Variants in CPED1 observed in about 807,000 individuals in gnomAD.
CPED1 encodes cadherin-like and PC-esterase domain-containing protein 1.
Under a neutral mutation model 128.2 loss-of-function variants are expected in CPED1, and 114 were observed. The ratio of observed to expected loss-of-function variants is 0.89; its 90% CI spans 0.76 to 1.04. The LOEUF is 1.04. CPED1 is among the 50% of genes least tolerant of loss of function. The probability of loss-of-function intolerance (pLI) is 0.00; values close to 1 mark genes in which losing one functional copy is unlikely to be tolerated. For missense variants in CPED1, 1,211 were observed against 1,207.1 expected, an observed-to-expected ratio of 1.00 and a Z score of -0.05; for synonymous variants, 462 against 426.7, an observed-to-expected ratio of 1.08 and a Z score of -1.02.
At chr7:121,262,013 T>C (rs2116736903) in intron 18 of CPED1, 1 of 348,826 alleles carries the variant, frequency 2.9e-6, no homozygotes, top group Non-Finnish European at 5.3e-6. Context: ...GTTTGGGTCA[T>C]GGGGATGGAT....
At chr7:121,030,575 A>T (rs1457254736) in intron 3 of CPED1, among the ~76,000 whole-genome samples, 1 of 152,140 alleles carries the variant, frequency 6.6e-6, no homozygotes, top group Non-Finnish European at 1.5e-5. Context: ...TATCAGATCG[A>T]CTTTCGTCTC....
chr7:121,069,264 A>T (rs548380286), intron 5 of CPED1, among the ~76,000 whole-genome samples: 6 of 152,166 alleles, frequency 3.9e-5, no homozygotes, highest in Non-Finnish European at 7.4e-5. Flanking sequence ...TTATCGTATA[A>T]TTCTGAGCAA....
chr7:121,060,063 G>GAGC (rs578182574), intron 4 of CPED1, among the ~76,000 whole-genome samples: 3,155 of 152,298 alleles, frequency 0.021, 107 homozygotes, highest in African/African-American at 0.069. Context: ...CCTGCACTCG[G>GAGC]AGCAGCCGGC....
chr7:121,085,797 GAAC>G (rs1039051591), intron 5 of CPED1, among the ~76,000 whole-genome samples: 7 of 152,078 alleles, frequency 4.6e-5, no homozygotes, highest in African/African-American at 9.7e-5. Context: ...GGGTTTAAAA[GAAC>G]AACAACAAAA....
At position 121,027,080 on chromosome 7, in the gene CPED1, A is replaced by G. The variant is rs545222102; in HGVS notation, c.433+11232A>G. Among the ~76,000 whole-genome samples, 20 of 151,330 alleles carry G rather than the reference A, an allele frequency of 1.3e-4. No homozygotes were observed. In the South Asian group the frequency reaches 4.0e-3, roughly 30 times the overall value. ...GGTGTCGAACTACTGGGCTCAAGCA[A>G]TTGTCCCGCCTCAGCATCTCAAAGT... On this transcript the variant is annotated intron_variant, in intron 3 of 22. Transcript: ENST00000310396.
chr7:121,089,360 C>T (rs1301441011), intron 5 of CPED1, among the ~76,000 whole-genome samples: 1 of 151,992 alleles, frequency 6.6e-6, no homozygotes, highest in Non-Finnish European at 1.5e-5. Flanking sequence ...TTTTAAATAA[C>T]ATAGAAATAG....
chr7:121,201,226 T>C (rs1490751519), intron 16 of CPED1, among the ~76,000 whole-genome samples: 1 of 151,896 alleles, frequency 6.6e-6, no homozygotes, highest in Non-Finnish European at 1.5e-5. Context: ...AAATAAATTA[T>C]TATCAAGACC....
chr7:121,034,504 C>T (rs575856564), intron 3 of CPED1, among the ~76,000 whole-genome samples: 66 of 152,148 alleles, frequency 4.3e-4, no homozygotes, highest in Non-Finnish European at 7.6e-4. Flanking sequence ...CCTCTGCCTT[C>T]CAAAGTGCTG....
At chr7:121,293,594 T>A (rs986661912) in intron 22 of CPED1, among the ~76,000 whole-genome samples, 2 of 152,106 alleles carry the variant, frequency 1.3e-5, no homozygotes, top group African/African-American at 4.8e-5. Flanking sequence ...TGTGCCCAAA[T>A]GGCTGCCCCA....
chr7:121,129,390 A>G (rs981557973), intron 11 of CPED1, among the ~76,000 whole-genome samples: 2 of 147,770 alleles, frequency 1.4e-5, no homozygotes, highest in African/African-American at 4.9e-5. Flanking sequence ...TCAACTTACT[A>G]AGTTAATTAA....
intron 16 of CPED1, among the ~76,000 whole-genome samples, chr7:121,173,818 A>G (rs944256004): frequency 1.3e-5 from 2 of 152,110 alleles, no homozygotes; most frequent in African/African-American, 4.8e-5. Context: ...ACTGCTTTCC[A>G]TAATGATTGA....
At chr7:121,222,139 G>T (rs1797893161) in intron 16 of CPED1, among the ~76,000 whole-genome samples, 1 of 152,124 alleles carries the variant, frequency 6.6e-6, no homozygotes. Context: ...TGTATAAGGT[G>T]TAAGGAAGGG....
At chr7:121,268,392 T>C (rs898868277) in intron 21 of CPED1, among the ~76,000 whole-genome samples, 1 of 152,090 alleles carries the variant, frequency 6.6e-6, no homozygotes, top group Non-Finnish European at 1.5e-5. Flanking sequence ...ATGTGCCAGA[T>C]ATTGTGTTAA....
intron 3 of CPED1, among the ~76,000 whole-genome samples, chr7:121,018,202 G>T (rs1158646956): frequency 3.3e-5 from 5 of 151,970 alleles, no homozygotes; most frequent in Admixed American, 3.3e-4. Context: ...TGTATAAAAA[G>T]AAAACATTTT....
chr7:121,000,926 T>C (rs764305945), intron 2 of CPED1, among the ~76,000 whole-genome samples: 1 of 152,140 alleles, frequency 6.6e-6, no homozygotes, highest in Admixed American at 6.5e-5. Context: ...AAAAATCATA[T>C]GTTTGAAAGC....
At chr7:121,257,256 G>A (rs1181048285) in intron 18 of CPED1, among the ~76,000 whole-genome samples, 1 of 151,986 alleles carries the variant, frequency 6.6e-6, no homozygotes, top group Non-Finnish European at 1.5e-5. Context: ...GAAGAGCAAT[G>A]AACCAAGCAC....
rs1792123900 is a variant in CPED1, at chr7:121,266,426, C to G, written c.2510C>G (p.Ala837Gly). The change falls in exon 19 of 23, where the codon GCA (alanine) becomes GGA (glycine). Residue 837 changes from alanine (A) to glycine (G), a missense_variant. Transcript: ENST00000310396. Reference sequence around the variant, plus strand: ...TCATTGAGACCAACATTTGAAAATGCACTTGAACACCTCTTGCAAAGGTAC... The same window carrying G: ...TCATTGAGACCAACATTTGAAAATGGACTTGAACACCTCTTGCAAAGGTAC... ...SPSLRPTFEN[A>G]LEHLLQRSRP... 6.2e-7 allele frequency: 1 copy of G among 1,612,088 alleles called. No homozygotes were observed. The highest frequency in any genetic ancestry group is 8.5e-7 in the Non-Finnish European group (1 of 1,178,648).
Position 121,266,761 on chromosome 7 carries a change from G to A in CPED1, c.2586G>A (p.Gln862=). The A allele has an allele frequency of 3.1e-6, 5 of 1,613,062 alleles. No individual in the cohort carries two copies. The highest frequency in any genetic ancestry group is 3.3e-4 in the Middle Eastern group (2 of 6,052). ...CTGTATTGGTTGTTGGTGGTGTTCA[G>A]TGGCTTAATTCCAATCACCTGCAAA... ...GQTVLVVGGV[Q]WLNSNHLQII... Residue 862 remains glutamine (Q), a synonymous_variant, in exon 20 of 23, where the codon CAG becomes CAA. Transcript: ENST00000310396.
At chr7:121,152,459 A>G (rs1223900058) in intron 16 of CPED1, among the ~76,000 whole-genome samples, 1 of 152,216 alleles carries the variant, frequency 6.6e-6, no homozygotes, top group African/African-American at 2.4e-5. Flanking sequence ...TGATCAAAAT[A>G]CTATTTATAT....
Sources: allele counts gnomAD v4.1 joint callset (sites outside exome capture counted in the v4.1 genomes callset), GRCh38; gene constraint gnomAD v4.1.1; transcripts MANE v1.5; gene names NCBI Gene and HGNC (gene_info 2026-07-23, HGNC 2026-07-21).